ANK2: variants seen among roughly 807,000 people sequenced by gnomAD.
ANK2 encodes the protein ankyrin-2.
Under a neutral mutation model 360.5 loss-of-function variants are expected in ANK2, and 83 were observed. The ratio of observed to expected loss-of-function variants is 0.23; its 90% CI spans 0.19 to 0.28. The LOEUF is 0.28. ANK2 is among the 10% of genes least tolerant of loss of function. The pLI is 1.00. For missense variants in ANK2, 4,201 were observed against 4,795.7 expected (o/e 0.88, Z 3.66); for synonymous variants, 1,740 against 1,759.5 (o/e 0.99, Z 0.28).
At chr4:113,065,798 C>G (rs961983123) in intron 1 of ANK2, among the ~76,000 whole-genome samples, 9 of 152,160 alleles carry the variant, frequency 5.9e-5, no homozygotes, top group Admixed American at 3.9e-4. Context: ...GAGCTTCTAT[C>G]TACAACGTTA....
At chr4:112,752,905 A>G in the ANK2 span, among the ~76,000 whole-genome samples, 1 of 152,072 alleles carries the variant, frequency 6.6e-6, no homozygotes, top group East Asian at 1.9e-4. Context: ...GGCTCAGGTG[A>G]TCCTCCCACC....
chr4:113,332,371 G>A (rs2092665474), intron 28 of ANK2, among the ~76,000 whole-genome samples: 1 of 152,132 alleles, frequency 6.6e-6, no homozygotes, highest in Non-Finnish European at 1.5e-5. Flanking sequence ...TTTGGAGTCT[G>A]TATCAAAGCA....
At chr4:112,715,598 T>C in the ANK2 span, among the ~76,000 whole-genome samples, 1 of 152,186 alleles carries the variant, frequency 6.6e-6, no homozygotes, top group African/African-American at 2.4e-5. Context: ...ACTTAAATCT[T>C]CATAAATCAC....
the ANK2 span, among the ~76,000 whole-genome samples, chr4:112,793,258 C>T: frequency 6.6e-6 from 1 of 151,918 alleles, no homozygotes; most frequent in South Asian, 2.1e-4. Flanking sequence ...GCTACATGCA[C>T]CTATGTATGT....
intron 2 of ANK2, among the ~76,000 whole-genome samples, chr4:112,954,751 T>G (rs1315617319): frequency 6.6e-6 from 1 of 152,176 alleles, no homozygotes; most frequent in Non-Finnish European, 1.5e-5. Context: ...GTTCAGAGAA[T>G]TATCTGGTAG....
intron 26 of ANK2, among the ~76,000 whole-genome samples, chr4:113,326,872 A>ATGC (rs1554502846): frequency 6.6e-6 from 1 of 152,130 alleles, no homozygotes; most frequent in Non-Finnish European, 1.5e-5. Context: ...AGGTGCAATG[A>ATGC]TGCTGCCTGT....
chr4:113,105,997 T>G (rs1035952007), intron 1 of ANK2, among the ~76,000 whole-genome samples: 3 of 152,162 alleles, frequency 2.0e-5, no homozygotes, highest in Admixed American at 6.5e-5. Flanking sequence ...ATGCTTAAAT[T>G]TTACTAGCTT....
intron 45 of ANK2, chr4:113,375,004 G>A: frequency 1.0e-6 from 1 of 964,622 alleles, no homozygotes; most frequent in Non-Finnish European, 1.3e-6. Flanking sequence ...CTTTGCATTT[G>A]AAAAGAAAAT....
intron 2 of ANK2, among the ~76,000 whole-genome samples, chr4:112,993,713 T>C (rs1435574371): frequency 9.1e-4 from 5 of 5,506 alleles, no homozygotes; most frequent in South Asian, 0.016. Flanking sequence ...GGCAACTGCA[T>C]TTTTTTTTTT....
chr4:113,044,740 C>T (rs968570328), upstream of ANK2, among the ~76,000 whole-genome samples: 9 of 152,158 alleles, frequency 5.9e-5, no homozygotes, highest in African/African-American at 2.2e-4. Context: ...TGGCCATCTT[C>T]TCTCTGTGTG....
intron 1 of ANK2, among the ~76,000 whole-genome samples, chr4:113,115,959 A>G (rs543454436): frequency 6.6e-6 from 1 of 152,144 alleles, no homozygotes; most frequent in Non-Finnish European, 1.5e-5. Context: ...TCTATATACA[A>G]TATAGTGGTA....
Position 113,249,812 on chromosome 4 carries a change from G to A in ANK2, c.940G>A (p.Val314Met), listed in dbSNP as rs2045157208. The change falls in exon 10 of 46, where the codon GTG becomes ATG. Residue 314 changes from valine (V) to methionine (M), a missense_variant. This residue lies in a region of ANK2 where 122 missense variants were observed against 239.3 expected (regional missense o/e 0.51). Transcript: ENST00000357077. ...HCAARSGHDQ[V>M]VELLLERGAP... ...TGCTGCACGAAGTGGGCATGACCAA[G>A]TGGTGGAACTTCTGTTGGAACGGGG... 1 of 1,614,208 alleles carries A rather than the reference G, an allele frequency of 6.2e-7. No homozygotes were observed. The highest frequency in any genetic ancestry group is 8.5e-7 in the Non-Finnish European group (1 of 1,180,042).
chr4:113,279,702 A>G lies in ANK2; in HGVS notation c.1881+1144A>G, dbSNP rs2061530534. 1.3e-5 allele frequency among the ~76,000 whole-genome samples: 2 copies of G among 148,346 alleles called. 1 individual carries two copies. The highest frequency in any genetic ancestry group is 4.2e-4 in the South Asian group (2 of 4,800). On this transcript the variant is annotated intron_variant, in intron 17 of 45. Transcript: ENST00000357077. ...TATAATATATATTTTATATATAAATATATTATATATATCATAAATATATAA... is the reference window on the plus strand; with the variant it reads ...TATAATATATATTTTATATATAAATGTATTATATATATCATAAATATATAA...
chr4:113,066,767 C>T (rs1457925232), intron 1 of ANK2, among the ~76,000 whole-genome samples: 9 of 152,090 alleles, frequency 5.9e-5, no homozygotes, highest in African/African-American at 1.2e-4. Flanking sequence ...GACTCTGGAA[C>T]GGGACCACCT....
chr4:113,314,099 A>G (rs1178868883), intron 24 of ANK2, among the ~76,000 whole-genome samples: 2 of 152,220 alleles, frequency 1.3e-5, no homozygotes, highest in African/African-American at 4.8e-5. Context: ...ATGGAAGAAT[A>G]CAAATACATA....
rs545563353 is a variant in ANK2 at position 112,977,981 on chromosome 4, C to T, written c.21+73467C>T. ...TTTCTGGGCTGGGTGTGGTGGCTCA[C>T]GCCTGTAATCCCAGCACTTTGGGTG... On this transcript the variant is annotated intron_variant, in intron 2 of 30. Transcript: ENST00000503271. 6.0e-4 allele frequency among the ~76,000 whole-genome samples: 91 copies of T among 152,266 alleles called. 1 individual carries two copies. Among genetic ancestry groups the T allele is most frequent in the Middle Eastern group, 3.4e-3 (1 of 294 alleles).
intron 2 of ANK2, among the ~76,000 whole-genome samples, chr4:113,035,419 T>C (rs1029099464): frequency 2.0e-5 from 3 of 151,804 alleles, no homozygotes; most frequent in Non-Finnish European, 4.4e-5. Context: ...GAAAAGAAAA[T>C]AGGTATTTTT....
At chr4:112,945,711 A>G (rs1314571953) in intron 2 of ANK2, among the ~76,000 whole-genome samples, 1 of 152,228 alleles carries the variant, frequency 6.6e-6, no homozygotes, top group African/African-American at 2.4e-5. Flanking sequence ...AACAGACTCC[A>G]GTTTGAAAAA....
At chr4:113,286,664 G>A (rs1341102737) in intron 18 of ANK2, among the ~76,000 whole-genome samples, 1 of 152,188 alleles carries the variant, frequency 6.6e-6, no homozygotes, top group Non-Finnish European at 1.5e-5. Context: ...AGCCCAGGTA[G>A]CCACCTCAGT....
Sources: allele counts gnomAD v4.1 joint callset (sites outside exome capture counted in the v4.1 genomes callset), GRCh38; gene constraint gnomAD v4.1.1; regional missense constraint gnomAD v4.1.1; transcripts MANE v1.5; gene names NCBI Gene and HGNC (gene_info 2026-07-23, HGNC 2026-07-21).